The following OGDH variants were observed in gnomAD, a reference collection of about 807,000 sequenced individuals.
OGDH encodes oxoglutarate dehydrogenase.
OGDH carries 38 observed loss-of-function variants against 116.6 expected under a neutral mutation model. The observed-to-expected ratio is 0.33, with a 90% confidence interval of 0.25 to 0.43. OGDH has a LOEUF of 0.43. OGDH is among the 20% of genes least tolerant of loss of function. The pLI is 1.00. For missense variants in OGDH, 825 were observed against 1,357.2 expected (o/e 0.61, Z 6.16); for synonymous variants, 488 against 533.3 (o/e 0.92, Z 1.17).
Position 44,694,304 on chromosome 7 carries a change from G to A in OGDH, c.1516-120G>A. 8.1e-7 allele frequency: 1 copy of A among 1,228,442 alleles called. No homozygotes were observed. Among genetic ancestry groups the A allele is most frequent in the Non-Finnish European group, 1.1e-6 (1 of 886,406 alleles). 76.1% of individuals were successfully genotyped at this position (1,228,442 alleles called of 1,614,324 possible). On this transcript the variant is annotated intron_variant, in intron 11 of 22. Transcript: ENST00000222673. The surrounding 1 kb of genome is among the most constrained non-coding windows in gnomAD (Gnocchi z 4.2). ...AATTCTAGAGAAGGTAAACTCCAGG[G>A]CAGGCATGAGGAATGAAGAACGTGG...
Position 44,676,166 on chromosome 7 carries a change from G to A in OGDH, c.1206+17G>A, listed in dbSNP as rs982265252. The A allele has an allele frequency of 1.9e-6, 3 of 1,614,074 alleles. No individual in the cohort carries two copies. Among genetic ancestry groups the A allele is most frequent in the African/African-American group, 2.7e-5 (2 of 74,916 alleles). On this transcript the variant is annotated intron_variant, in intron 9 of 22. Transcript: ENST00000222673. The stretch of plus-strand genomic sequence containing the variant: ...GGGAAAAAGGTAAGGCCCAGAGAGA[G>A]GCGTGCAAGGCAGATCGTCAAGGCC...
chr7:44,611,053 A>G (rs1784543849), intron 1 of OGDH, among the ~76,000 whole-genome samples: 1 of 149,326 alleles, frequency 6.7e-6, no homozygotes, highest in African/African-American at 2.5e-5. Context: ...TGAAGATTTT[A>G]TCATATGTAT....
At chr7:44,634,264 A>T (rs1785569740) in intron 2 of OGDH, among the ~76,000 whole-genome samples, 2 of 152,258 alleles carry the variant, frequency 1.3e-5, no homozygotes, top group Admixed American at 6.5e-5. Flanking sequence ...TTTGAGGCCT[A>T]GGTCCAGACC....
At chr7:44,703,065 T>C (rs1055362288) in intron 20 of OGDH, among the ~76,000 whole-genome samples, 1 of 152,232 alleles carries the variant, frequency 6.6e-6, no homozygotes, top group African/African-American at 2.4e-5. Context: ...TTTCATTTAG[T>C]ATAATGTCTG....
In OGDH at chr7:44,694,595, A is replaced by T; in HGVS notation, c.1668+19A>T. 2 of 1,611,826 alleles carry T rather than the reference A, an allele frequency of 1.2e-6. No individual in the cohort carries two copies. The highest frequency in any genetic ancestry group is 8.5e-7 in the Non-Finnish European group (1 of 1,178,054). ...GTATGAGGTACGTCCCTGCGGCTCT[A>T]TCCCAGTGCGCCTTTCCAGGGCTGG... On this transcript the variant is annotated intron_variant, in intron 12 of 22. Transcript: ENST00000222673. The surrounding 1 kb of genome is among the most constrained non-coding windows in gnomAD (Gnocchi z 4.2).
At chr7:44,644,026 A>G (rs957488491) in intron 2 of OGDH, among the ~76,000 whole-genome samples, 2 of 152,192 alleles carry the variant, frequency 1.3e-5, no homozygotes, top group Non-Finnish European at 2.9e-5. Flanking sequence ...GGCCAACATG[A>G]TAAAACCCCA....
intron 6 of OGDH, 106 bp downstream of exon 6, chr7:44,674,047 G>C (rs1458520590): frequency 1.4e-5 from 19 of 1,325,548 alleles, no homozygotes; most frequent in Non-Finnish European, 2.0e-5. Context: ...GTGAGAGGGG[G>C]TTTGGGGTGG....
At chr7:44,611,617 C>T (rs1784570623) in intron 1 of OGDH, among the ~76,000 whole-genome samples, 1 of 151,722 alleles carries the variant, frequency 6.6e-6, no homozygotes, top group African/African-American at 2.4e-5. Context: ...TGCCATGTTG[C>T]CCAGACTGGT....
chr7:44,623,487 T>G (rs556861324), intron 1 of OGDH, among the ~76,000 whole-genome samples: 1 of 76,362 alleles, frequency 1.3e-5, no homozygotes, highest in East Asian at 2.7e-4. Context: ...CTGGACAGAT[T>G]AGAAAATGTT....
chr7:44,658,048 C>CT (rs1230461749), intron 4 of OGDH, among the ~76,000 whole-genome samples: 3 of 152,168 alleles, frequency 2.0e-5, no homozygotes, highest in African/African-American at 7.2e-5. Flanking sequence ...AGCTACTAAA[C>CT]TTTATTTTTC....
intron 20 of OGDH, among the ~76,000 whole-genome samples, chr7:44,702,786 CG>C (rs1232219335): frequency 6.6e-6 from 1 of 151,932 alleles, no homozygotes; most frequent in African/African-American, 2.4e-5. Context: ...TTAGTAGAGA[CG>C]GGGTTTCACC....
At chr7:44,693,629 A>G (rs1406785143) in intron 10 of OGDH, among the ~76,000 whole-genome samples, 196 bp from the exon 11 acceptor site, 2 of 152,176 alleles carry the variant, frequency 1.3e-5, no homozygotes, top group East Asian at 1.9e-4. Flanking sequence ...TAAATTCTCT[A>G]TGTTAAATAT....
chr7:44,678,460 A>T (rs546540540), intron 9 of OGDH, among the ~76,000 whole-genome samples: 2 of 152,328 alleles, frequency 1.3e-5, no homozygotes, highest in South Asian at 4.1e-4. Context: ...AAAGCAATAG[A>T]GTATATTTTA....
intron 1 of OGDH, among the ~76,000 whole-genome samples, chr7:44,624,014 G>C (rs919617291): frequency 6.6e-6 from 1 of 152,040 alleles, no homozygotes; most frequent in African/African-American, 2.4e-5. Flanking sequence ...GCTCGCACAG[G>C]CATCCTGTGT....
chr7:44,634,181 C>T (rs1332312924), intron 2 of OGDH, among the ~76,000 whole-genome samples: 2 of 152,214 alleles, frequency 1.3e-5, no homozygotes, highest in African/African-American at 4.8e-5. Flanking sequence ...CTGCCATCCT[C>T]CAGTAGGCCG....
At chr7:44,613,680 G>C (rs1020928967) in intron 1 of OGDH, among the ~76,000 whole-genome samples, 2 of 151,394 alleles carry the variant, frequency 1.3e-5, no homozygotes, top group East Asian at 3.9e-4. Context: ...ATTTTTAGTC[G>C]AGATGGGGTT....
intron 10 of OGDH, among the ~76,000 whole-genome samples, chr7:44,683,231 A>G (rs1317955299): frequency 6.6e-6 from 1 of 152,136 alleles, no homozygotes; most frequent in Non-Finnish European, 1.5e-5. Context: ...ATTGTTTTAG[A>G]TTTTTGTTTG....
rs202158404 is a variant in OGDH, at chr7:44,675,162, C to T, written c.936-16C>T. 3.9e-4 allele frequency: 624 copies of T among 1,609,304 alleles called. No individual in the cohort carries two copies. Among genetic ancestry groups the T allele is most frequent in the Non-Finnish European group, 5.1e-4 (597 of 1,175,846 alleles). On this transcript the variant is annotated splice_polypyrimidine_tract_variant and intron_variant, in intron 7 of 22. Coordinates refer to ENST00000222673, the MANE Select transcript of OGDH (RefSeq NM_002541.4). ...GACCTCAGGCTCTGCTCACCCTACT[C>T]GCCCATACGTTCCAGAGGGCGGCTG...
chr7:44,645,470 G>C lies in OGDH; in HGVS notation c.366G>C (p.Lys122Asn). 6.2e-7 allele frequency: 1 copy of C among 1,614,190 alleles called. No individual in the cohort carries two copies. Among genetic ancestry groups the C allele is most frequent in the Non-Finnish European group, 8.5e-7 (1 of 1,180,030 alleles). Residue 122 changes from lysine (K) to asparagine (N), a missense_variant, in exon 3 of 23, where the codon AAG becomes AAC. Transcript: ENST00000222673. The part of the protein sequence containing the change: ...SLVEAQPNVD[K>N]LVEDHLAVQS... Reference sequence around the variant, plus strand: ...TAGAAGCACAGCCCAACGTGGACAAGCTCGTGGAGGACCACCTGGCAGTGC... The same window carrying C: ...TAGAAGCACAGCCCAACGTGGACAACCTCGTGGAGGACCACCTGGCAGTGC...
Sources: gnomAD v4.1 joint callset for allele counts (sites outside exome capture counted in the v4.1 genomes callset) on GRCh38, gnomAD v4.1.1 for gene constraint, Gnocchi (gnomAD v3.1) non-coding constraint, MANE v1.5 for transcripts, NCBI Gene and HGNC (gene_info 2026-07-23, HGNC 2026-07-21) for gene names.